IVD: variants seen among roughly 807,000 people sequenced by gnomAD.
IVD encodes the protein isovaleryl-CoA dehydrogenase, also known as isovaleryl-CoA dehydrogenase, mitochondrial.
In IVD, 31 loss-of-function variants were observed where a neutral mutation model predicts 51.3. The observed-to-expected ratio is 0.60, with a 90% CI of 0.45 to 0.81. The LOEUF (loss-of-function observed/expected upper bound fraction) is 0.81. Ranked by LOEUF, IVD falls within the 40% of genes least tolerant of loss-of-function variation. The pLI is 0.00. For synonymous variants in IVD, 205 were observed against 219.4 expected, an observed-to-expected ratio of 0.93 and a Z score of 0.58; for missense variants, 475 against 552.0, an observed-to-expected ratio of 0.86 and a Z score of 1.40.
rs1453033505 is a variant in IVD at position 40,418,722 on chromosome 15, T to C, written c.*459T>C. On this transcript the variant is annotated 3_prime_UTR_variant, in exon 12 of 12. Transcript: ENST00000487418. ...CAGAATCATGGCCCCTCTCCATGAATTGGAACTTGGTACAGGTTAAGTATC... is the reference window on the plus strand; with the variant it reads ...CAGAATCATGGCCCCTCTCCATGAACTGGAACTTGGTACAGGTTAAGTATC... 2.3e-5 allele frequency: 25 copies of C among 1,106,014 alleles called. No individual in the cohort carries two copies. Among genetic ancestry groups the C allele is most frequent in the Middle Eastern group, 4.3e-4 (1 of 2,334 alleles). 68.5% of individuals were successfully genotyped at this position (1,106,014 alleles called of 1,614,324 possible). A position where few individuals can be genotyped will look rare whatever the true frequency, so the allele number is the denominator to read the frequency against.
Position 40,405,885 on chromosome 15 carries a change from C to G in IVD, c.58C>G (p.Pro20Ala). 6.2e-7 allele frequency: 1 copy of G among 1,613,324 alleles called. No individual in the cohort carries two copies. Among genetic ancestry groups the G allele is most frequent in the Non-Finnish European group, 8.5e-7 (1 of 1,179,824 alleles). The change falls in exon 1 of 12, where the codon CCG (proline) becomes GCG (alanine). Residue 20 changes from proline (P) to alanine (A), a missense_variant. Transcript: ENST00000487418. ...TGTGGCGAGCTGGAGGCTGCGGCCGCCGCTTGCCGGCTTCGTTTCCCAGCG... is the reference window on the plus strand; with the variant it reads ...TGTGGCGAGCTGGAGGCTGCGGCCGGCGCTTGCCGGCTTCGTTTCCCAGCG... ...WRVASWRLRP[P>A]LAGFVSQRAH...
downstream of IVD, among the ~76,000 whole-genome samples, chr15:40,426,523 G>C (rs1892681576): frequency 1.3e-5 from 2 of 150,672 alleles, no homozygotes; most frequent in Admixed American, 1.3e-4. Context: ...GGGCAACAGA[G>C]CGATACACTG....
downstream of IVD, chr15:40,435,605 C>A: frequency 9.0e-7 from 1 of 1,109,950 alleles, no homozygotes; most frequent in South Asian, 1.9e-5. Flanking sequence ...CCTCAAAATC[C>A]TTCTATGTTC....
downstream of IVD, chr15:40,423,989 G>A (rs974805485): frequency 3.6e-5 from 12 of 329,126 alleles, no homozygotes; most frequent in Admixed American, 2.3e-4. Flanking sequence ...CCCTGTGTGC[G>A]CCACTTGGTT....
chr15:40,423,256 G>A (rs1354793924), downstream of IVD, among the ~76,000 whole-genome samples: 1 of 152,080 alleles, frequency 6.6e-6, no homozygotes, highest in Non-Finnish European at 1.5e-5. Flanking sequence ...TTTTGTATAT[G>A]CTTTATGTTC....
chr15:40,411,278 A>G lies in IVD; in HGVS notation c.475A>G (p.Ile159Val), dbSNP rs557693409. 7 of 1,614,062 alleles carry G rather than the reference A, an allele frequency of 4.3e-6. No homozygotes were observed. In the Admixed American group the frequency reaches 5.0e-5, roughly 12 times the overall value. The part of the protein sequence containing the change: ...YLPKLISGEY[I>V]GALAMSEPNA... ...CTTGCAGCTGATCAGTGGTGAGTAC[A>G]TCGGAGCCCTGGCCATGAGTGAGCC... The change falls in exon 5 of 12, where the codon ATC becomes GTC. Residue 159 changes from isoleucine to valine, a missense_variant. By Grantham distance (29) the Ile-to-Val change is conservative. Transcript: ENST00000487418.
chr15:40,418,869 A>C lies in IVD; in HGVS notation c.*606A>C. The C allele has an allele frequency of 1.4e-6, 1 of 706,358 alleles. No homozygotes were observed. The highest frequency in any genetic ancestry group is 1.9e-6 in the Non-Finnish European group (1 of 528,532). 43.8% of individuals were successfully genotyped at this position (706,358 alleles called of 1,614,324 possible). A position where few individuals can be genotyped will look rare whatever the true frequency, so the allele number is the denominator to read the frequency against. ...CTAGCCTAGCCAGGCGTGGTGGCTC[A>C]TGCTTGTAATCCCAGCACTTCAGGA... is the stretch of plus-strand genomic sequence containing the variant. On this transcript the variant is annotated 3_prime_UTR_variant, in exon 12 of 12. Coordinates refer to ENST00000487418, the MANE Select transcript of IVD (RefSeq NM_002225.5).
Position 40,407,871 on chromosome 15 carries a change from T to C in IVD, c.235-68T>C, listed in dbSNP as rs76137091. On this transcript the variant is annotated intron_variant, in intron 2 of 11. Transcript: ENST00000487418. The stretch of plus-strand genomic sequence containing the variant: ...TCTCTGAAGTGTTTGGGTCTCATTG[T>C]TCCAGCCACATGTGACTGGCTGCCT... 1.7e-3 allele frequency: 2,573 copies of C among 1,541,018 alleles called. 30 individuals carry two copies. The African/African-American group carries it at 0.032, about 19-fold the overall frequency.
chr15:40,408,124 C>G lies in IVD; in HGVS notation c.286+134C>G, dbSNP rs150925778. The G allele has an allele frequency of 4.1e-5, 33 of 796,050 alleles. No homozygotes were observed. The Admixed American group carries it at 6.1e-4, about 15-fold the overall frequency. The allele number at this position is 796,050 out of a possible 1,614,324, so 49.3% of individuals were successfully genotyped here. ...ACTGCATCTTTTGGACCTGTGAAAGCACCCATTGATTGTCAGCCCAGAGAA... is the reference window on the plus strand; with the variant it reads ...ACTGCATCTTTTGGACCTGTGAAAGGACCCATTGATTGTCAGCCCAGAGAA... On this transcript the variant is annotated intron_variant, in intron 3 of 11. Transcript: ENST00000487418.
intron 6 of IVD, among the ~76,000 whole-genome samples, chr15:40,412,051 G>T (rs1162806887): frequency 6.6e-6 from 1 of 152,226 alleles, no homozygotes; most frequent in Non-Finnish European, 1.5e-5. Flanking sequence ...GACTGCCCCT[G>T]CAACAGCCTT....
At chr15:40,427,412 A>C (rs1256529338), downstream of IVD, among the ~76,000 whole-genome samples, 6 of 152,210 alleles carry the variant, frequency 3.9e-5, no homozygotes, top group African/African-American at 1.4e-4. Flanking sequence ...CTTGTGGGAG[A>C]TAAGCCCAGC....
intron 7 of IVD, among the ~76,000 whole-genome samples, chr15:40,429,509 C>T (rs1892852516): frequency 6.6e-6 from 1 of 152,202 alleles, no homozygotes; most frequent in African/African-American, 2.4e-5. Flanking sequence ...CATCTACACG[C>T]CCACCTGTCT....
chr15:40,409,372 G>C (rs1890805172), intron 3 of IVD, among the ~76,000 whole-genome samples: 2 of 151,658 alleles, frequency 1.3e-5, no homozygotes, highest in Non-Finnish European at 1.5e-5. Flanking sequence ...TTGCACCCCA[G>C]CCTGGATAAG....
downstream of IVD, chr15:40,424,128 C>T (rs1035005368): frequency 7.8e-7 from 1 of 1,282,764 alleles, no homozygotes; most frequent in Non-Finnish European, 1.0e-6. Flanking sequence ...TGCCTTCCTT[C>T]TTCCAGGCCA....
chr15:40,406,817 T>A (rs573445885), intron 1 of IVD, among the ~76,000 whole-genome samples: 1 of 151,858 alleles, frequency 6.6e-6, no homozygotes, highest in East Asian at 1.9e-4. Flanking sequence ...AAGGGTTCAA[T>A]CCCTATTCTC....
chr15:40,428,936 T>G (rs1892821222), downstream of IVD, among the ~76,000 whole-genome samples: 1 of 151,792 alleles, frequency 6.6e-6, no homozygotes, highest in African/African-American at 2.4e-5. Flanking sequence ...CAACAGCATT[T>G]CCCTCAGTAA....
At chr15:40,434,003 C>T (rs1292218300) in intron 8 of IVD, 1 of 443,970 alleles carries the variant, frequency 2.3e-6, no homozygotes, top group Non-Finnish European at 4.5e-6. Context: ...CACCACGATA[C>T]CCATCCATGT....
downstream of IVD, among the ~76,000 whole-genome samples, chr15:40,425,477 T>A (rs1892619469): frequency 6.6e-6 from 1 of 150,662 alleles, no homozygotes; most frequent in African/African-American, 2.4e-5. Context: ...TTCTTCCATA[T>A]CTTGCTTTTT....
chr15:40,409,052 C>T (rs547757737), intron 3 of IVD, among the ~76,000 whole-genome samples: 1 of 152,260 alleles, frequency 6.6e-6, no homozygotes, highest in African/African-American at 2.4e-5. Context: ...GTTATATCAC[C>T]TTTCATAAAA....
Sources: gnomAD v4.1 joint callset for allele counts (sites outside exome capture counted in the v4.1 genomes callset) on GRCh38, gnomAD v4.1.1 for gene constraint, MANE v1.5 for transcripts, NCBI Gene and HGNC (gene_info 2026-07-23, HGNC 2026-07-21) for gene names.